The following RAPGEF1 variants were observed in gnomAD, a reference collection of about 807,000 sequenced individuals.
RAPGEF1 encodes the protein CRK SH3-binding GNRP.
RAPGEF1 carries 33 observed loss-of-function variants against 143.3 expected under a neutral mutation model. The observed-to-expected ratio is 0.23, with a 90% CI of 0.17 to 0.31. The LOEUF (loss-of-function observed/expected upper bound fraction) is 0.31. Among genes scored for constraint, RAPGEF1 ranks in the 10% least tolerant of loss-of-function variants. The probability of loss-of-function intolerance (pLI) is 1.00; values close to 1 mark genes in which losing one functional copy is unlikely to be tolerated. For missense variants in RAPGEF1, 1,199 were observed against 1,645.4 expected (o/e 0.73, Z 4.69); for synonymous variants, 629 against 676.5 (o/e 0.93, Z 1.09).
intron 1 of RAPGEF1, among the ~76,000 whole-genome samples, chr9:131,734,530 C>T (rs749367749): frequency 6.6e-6 from 1 of 152,122 alleles, no homozygotes; most frequent in Non-Finnish European, 1.5e-5. Flanking sequence ...AGTGTTAAAA[C>T]GGGTGAGTGA....
At chr9:131,731,802 G>GT (rs1837092937) in intron 1 of RAPGEF1, among the ~76,000 whole-genome samples, 1 of 152,226 alleles carries the variant, frequency 6.6e-6, no homozygotes, top group Admixed American at 6.5e-5. Context: ...GTCACTGTGT[G>GT]GTTTGGGCAA....
intron 14 of RAPGEF1, among the ~76,000 whole-genome samples, chr9:131,602,357 G>A (rs1322508425): frequency 6.6e-6 from 1 of 152,194 alleles, no homozygotes; most frequent in Non-Finnish European, 1.5e-5. Flanking sequence ...AGTGAAAGGT[G>A]CCACTATTTG....
rs55722149 is a variant in RAPGEF1, at chr9:131,586,257, A to AACACACACAC, written c.3233+1469_3233+1478dup. On this transcript the variant is annotated intron_variant, in intron 22 of 26. Transcript: ENST00000683357. ...ACCTGCAGAGCAAGACTCTGTCTCAAACACACACACACACACACACACACA... is the reference window on the plus strand; with the variant it reads ...ACCTGCAGAGCAAGACTCTGTCTCAAACACACACACACACACACACACACACACACACACA... Among the ~76,000 whole-genome samples the AACACACACAC allele has an allele frequency of 2.8e-3, 252 of 91,408 alleles. 6 individuals carry two copies. Among genetic ancestry groups the AACACACACAC allele is most frequent in the African/African-American group, 9.4e-3 (187 of 19,954 alleles). The allele number at this position is 91,408 out of a possible 152,430, so 60.0% of individuals were successfully genotyped here.
At chr9:131,636,050 T>C (rs1286363569) in intron 5 of RAPGEF1, among the ~76,000 whole-genome samples, 1 of 152,210 alleles carries the variant, frequency 6.6e-6, no homozygotes, top group Admixed American at 6.5e-5. Context: ...GATGCTGGCC[T>C]GTCTCTTCCT....
At chr9:131,642,131 T>C (rs1968190994) in intron 4 of RAPGEF1, among the ~76,000 whole-genome samples, 1 of 152,194 alleles carries the variant, frequency 6.6e-6, no homozygotes, top group South Asian at 2.1e-4. Context: ...TTACATTTGG[T>C]AGTGCTTTTC....
At chr9:131,582,753 G>A in intron 24 of RAPGEF1, 51 bp from the exon 25 acceptor site, 1 of 1,466,104 alleles carries the variant, frequency 6.8e-7, no homozygotes, top group East Asian at 2.6e-5. Context: ...GAGTGCTGGG[G>A]CAATGCTGGG....
In RAPGEF1 at chr9:131,589,921, C is replaced by T. The variant is rs376156893; in HGVS notation, c.2832G>A (p.Thr944=). 1.4e-4 allele frequency: 222 copies of T among 1,613,740 alleles called. No individual in the cohort carries two copies. Among genetic ancestry groups the T allele is most frequent in the Non-Finnish European group, 1.8e-4 (216 of 1,179,838 alleles). Residue 944 remains threonine (T), a synonymous_variant, in exon 19 of 27, where the codon ACG becomes ACA. Transcript: ENST00000683357. ...CCACCACCCGTACCAGCACGAAGAA[C>T]GTGTTCTTGCTGACGCGCTTCTTGA... is the stretch of plus-strand genomic sequence containing the variant. ...DTFKKRVSKN[T]FFVLVRVVDE...
chr9:131,580,414 C>A (rs905506263), intron 25 of RAPGEF1, 23 bp from the exon 26 acceptor site: 1 of 1,609,704 alleles, frequency 6.2e-7, no homozygotes, highest in African/African-American at 1.3e-5. Context: ...GTTAGGCAGC[C>A]TGTTACTGCT....
intron 12 of RAPGEF1, among the ~76,000 whole-genome samples, chr9:131,611,796 C>A (rs576847855): frequency 6.6e-6 from 1 of 152,304 alleles, no homozygotes; most frequent in South Asian, 2.1e-4. Flanking sequence ...CGCCTCTCAA[C>A]GTCCAGCCTA....
intron 1 of RAPGEF1, among the ~76,000 whole-genome samples, chr9:131,651,780 G>A (rs997611148): frequency 6.6e-6 from 1 of 152,186 alleles, no homozygotes; most frequent in Admixed American, 6.5e-5. Flanking sequence ...TCTGAGTAAT[G>A]CATCATTAGG....
chr9:131,635,525 T>A (rs960362027), intron 5 of RAPGEF1, among the ~76,000 whole-genome samples: 1 of 152,066 alleles, frequency 6.6e-6, no homozygotes, highest in Non-Finnish European at 1.5e-5. Flanking sequence ...GCTGACAACA[T>A]CCTCATGAGT....
chr9:131,592,067 G>C, intron 18 of RAPGEF1, 32 bp downstream of exon 18: 1 of 1,525,054 alleles, frequency 6.6e-7, no homozygotes, highest in African/African-American at 1.4e-5. Context: ...TGCCCATGGT[G>C]CAGGGGCCCT....
intron 14 of RAPGEF1, among the ~76,000 whole-genome samples, chr9:131,603,095 C>T (rs1956537430): frequency 6.6e-6 from 1 of 152,210 alleles, no homozygotes; most frequent in Admixed American, 6.5e-5. Context: ...CTTCAATGTT[C>T]TATAACCTGC....
At position 131,650,530 on chromosome 9, in the gene RAPGEF1, G is replaced by C. The variant is rs1970820340; in HGVS notation, c.201+280C>G. 6.6e-6 allele frequency among the ~76,000 whole-genome samples: 1 copy of C among 152,114 alleles called. No individual in the cohort carries two copies. Among genetic ancestry groups the C allele is most frequent in the African/African-American group, 2.4e-5 (1 of 41,442 alleles). ...TGCAGGGCAGGGAGGCAGCAGCCTG[G>C]GGTGTGGACATGATGTGCTGAGCTG... On this transcript the variant is annotated intron_variant, in intron 2 of 26. Transcript: ENST00000683357. The surrounding 1 kb of genome is among the most constrained non-coding windows in gnomAD (Gnocchi z 4.7).
At chr9:131,603,389 C>T (rs7048921) in intron 14 of RAPGEF1, among the ~76,000 whole-genome samples, 2,374 of 152,310 alleles carry the variant, frequency 0.016, 61 homozygotes, top group African/African-American at 0.053. Flanking sequence ...CCGCGATGGT[C>T]GGGAGCTGGG....
chr9:131,619,294 G>A (rs1362470117), intron 11 of RAPGEF1, 88 bp from the exon 12 acceptor site: 7 of 1,155,148 alleles, frequency 6.1e-6, no homozygotes, highest in Admixed American at 2.5e-5. Flanking sequence ...AGGCCGTGGA[G>A]GTTGCTCTCC....
intron 1 of RAPGEF1, among the ~76,000 whole-genome samples, chr9:131,651,426 C>T (rs964208258): frequency 1.1e-4 from 16 of 152,170 alleles, no homozygotes; most frequent in African/African-American, 3.9e-4. Context: ...TGTTCAAAAT[C>T]CTCTGGGCCC....
chr9:131,626,068 A>T lies in RAPGEF1; in HGVS notation c.1556T>A (p.Val519Asp). The T allele has an allele frequency of 6.2e-7, 1 of 1,613,910 alleles. No homozygotes were observed. The highest frequency in any genetic ancestry group is 8.5e-7 in the Non-Finnish European group (1 of 1,179,808). Residue 519 changes from valine to aspartate, a missense_variant, in exon 10 of 27, where the codon GTC becomes GAC. Transcript: ENST00000683357. The stretch of plus-strand genomic sequence containing the variant: ...AATAGCAGCAAAGGGCGCGTAGGGG[A>T]CGGATGGGATCGGGGCTGTGCTCTG... ...DLQSTAPIPS[V>D]PYAPFAAILP...
chr9:131,595,709 T>A (rs1304521879), intron 17 of RAPGEF1, among the ~76,000 whole-genome samples: 1 of 150,960 alleles, frequency 6.6e-6, no homozygotes, highest in Non-Finnish European at 1.5e-5. Flanking sequence ...GCTAGCAGAG[T>A]CCACCCAACA....
Sources: allele counts gnomAD v4.1 joint callset (sites outside exome capture counted in the v4.1 genomes callset), GRCh38; gene constraint gnomAD v4.1.1; non-coding constraint Gnocchi (gnomAD v3.1); transcripts MANE v1.5; gene names NCBI Gene and HGNC (gene_info 2026-07-23, HGNC 2026-07-21).